The following CHRM5 variants were observed in gnomAD, a reference collection of about 807,000 sequenced individuals.
The protein encoded by CHRM5 is cholinergic receptor muscarinic 5.
CHRM5 carries 18 observed loss-of-function variants against 39.0 expected under a neutral mutation model. The observed-to-expected ratio is 0.46, with a 90% CI of 0.32 to 0.68. The LOEUF (loss-of-function observed/expected upper bound fraction) is 0.68, where lower values mean the gene tolerates loss of function less well. Among genes scored for constraint, CHRM5 ranks in the 30% least tolerant of loss-of-function variants. CHRM5 has a pLI of 0.04. For missense variants in CHRM5, 515 were observed against 651.1 expected, an observed-to-expected ratio of 0.79 and a Z score of 2.28; for synonymous variants, 241 against 246.3, an observed-to-expected ratio of 0.98 and a Z score of 0.20.
At chr15:34,036,360 A>C (rs910277549) in intron 1 of CHRM5, among the ~76,000 whole-genome samples, 5 of 152,150 alleles carry the variant, frequency 3.3e-5, no homozygotes, top group Non-Finnish European at 7.4e-5. Flanking sequence ...CCAAAATAGA[A>C]AGCAAAGGTG....
At position 34,063,869 on chromosome 15, in the gene CHRM5, G is replaced by A; in HGVS notation, c.1152G>A (p.Val384=). Reference sequence around the variant, plus strand: ...GTGTGGCCTATAAGTTCCGATTGGTGGTAAAAGCTGACGGGAACCAGGAGA... The same window carrying A: ...GTGTGGCCTATAAGTTCCGATTGGTAGTAAAAGCTGACGGGAACCAGGAGA... The part of the protein sequence containing the change: ...QKCVAYKFRL[V]VKADGNQETN... The change falls in exon 3 of 3, where the codon GTG becomes GTA. Residue 384 remains valine (V), a synonymous_variant. Transcript: ENST00000383263. The surrounding 1 kb of genome is among the most constrained non-coding windows in gnomAD (Gnocchi z 4.1). 2.5e-6 allele frequency: 4 copies of A among 1,614,162 alleles called. No homozygotes were observed. The highest frequency in any genetic ancestry group is 4.5e-5 in the East Asian group (2 of 44,884).
At chr15:33,980,500 G>A (rs555638641) in intron 1 of CHRM5, among the ~76,000 whole-genome samples, 1 of 152,288 alleles carries the variant, frequency 6.6e-6, no homozygotes, top group South Asian at 2.1e-4. Context: ...TGGGCTGATG[G>A]CCATATATGA....
At chr15:33,993,666 T>A (rs1302127759) in intron 1 of CHRM5, among the ~76,000 whole-genome samples, 1 of 152,108 alleles carries the variant, frequency 6.6e-6, no homozygotes. Context: ...CCAACATAAA[T>A]AACAATCATC....
intron 1 of CHRM5, chr15:34,039,156 T>G: frequency 1.1e-6 from 1 of 922,342 alleles, no homozygotes; most frequent in Non-Finnish European, 1.3e-6. Flanking sequence ...AGGCGCCCGG[T>G]AGCAGCGAGG....
intron 1 of CHRM5, among the ~76,000 whole-genome samples, chr15:34,026,816 T>C (rs1282270556): frequency 6.6e-6 from 1 of 152,160 alleles, no homozygotes; most frequent in African/African-American, 2.4e-5. Context: ...AAACTTCCCC[T>C]GCGGTCTTTT....
At chr15:34,034,208 T>C (rs970906973) in intron 1 of CHRM5, among the ~76,000 whole-genome samples, 8 of 152,168 alleles carry the variant, frequency 5.3e-5, no homozygotes, top group African/African-American at 1.7e-4. Context: ...TTTGGGTGGC[T>C]GAGGCGGGAG....
intron 1 of CHRM5, among the ~76,000 whole-genome samples, chr15:34,036,363 C>G (rs1481693640): frequency 6.6e-6 from 1 of 152,074 alleles, no homozygotes; most frequent in Admixed American, 6.6e-5. Flanking sequence ...AAATAGAAAG[C>G]AAAGGTGTAC....
At position 34,062,990 on chromosome 15, in the gene CHRM5, C is replaced by T; in HGVS notation, c.273C>T (p.Ile91=). Residue 91 remains isoleucine, a synonymous_variant, in exon 3 of 3, where the codon ATC becomes ATT. Transcript: ENST00000383263. ...CCATGAACCTCTACACCACCTACAT[C>T]CTCATGGGACGCTGGGCTCTCGGGA... ...IFSMNLYTTY[I]LMGRWALGSL... is the part of the protein sequence containing the mutation. 6.2e-7 allele frequency: 1 copy of T among 1,614,206 alleles called. No individual in the cohort carries two copies. The highest frequency in any genetic ancestry group is 1.1e-5 in the South Asian group (1 of 91,076).
At chr15:33,973,671 A>T (rs1325698532) in intron 1 of CHRM5, among the ~76,000 whole-genome samples, 3 of 152,204 alleles carry the variant, frequency 2.0e-5, no homozygotes, top group Non-Finnish European at 4.4e-5. Flanking sequence ...GCAAGACTCC[A>T]TCTCTATAAA....
At chr15:33,982,325 A>G (rs779695734) in intron 1 of CHRM5, among the ~76,000 whole-genome samples, 2 of 152,100 alleles carry the variant, frequency 1.3e-5, no homozygotes, top group South Asian at 2.1e-4. Flanking sequence ...TCAAATTCCT[A>G]TAAGATCACA....
chr15:33,989,154 AC>A (rs77207435), intron 1 of CHRM5, among the ~76,000 whole-genome samples: 33,387 of 148,250 alleles, frequency 0.23, 4,177 homozygotes, highest in Middle Eastern at 0.41. Flanking sequence ...ACAAACACAC[AC>A]AAAAAAGCTA....
At chr15:34,058,471 GGAGA>G (rs544211557) in intron 2 of CHRM5, among the ~76,000 whole-genome samples, 2 of 150,532 alleles carry the variant, frequency 1.3e-5, no homozygotes, top group African/African-American at 4.9e-5. Flanking sequence ...TGAGAAATCA[GGAGA>G]GAGAGAGAGC....
At chr15:33,979,971 G>GT (rs1367505490) in intron 1 of CHRM5, among the ~76,000 whole-genome samples, 1 of 152,112 alleles carries the variant, frequency 6.6e-6, no homozygotes, top group African/African-American at 2.4e-5. Context: ...TAAATCTCTG[G>GT]TTTCTGGGTT....
intron 1 of CHRM5, among the ~76,000 whole-genome samples, chr15:33,987,893 T>C (rs73385797): frequency 0.015 from 2,237 of 152,336 alleles, 70 homozygotes; most frequent in African/African-American, 0.052. Context: ...AACCAGGTCC[T>C]GCTGGGTCTG....
Position 34,029,311 on chromosome 15 carries a change from T to A in CHRM5, c.-407-17229T>A, listed in dbSNP as rs550237252. On this transcript the variant is annotated intron_variant, in intron 1 of 2. Transcript: ENST00000383263. ...TTCTTTCCAAGGTATGTAAAATACGTGCTCATAAAATAACACCTGGCCACA... is the reference window on the plus strand; with the variant it reads ...TTCTTTCCAAGGTATGTAAAATACGAGCTCATAAAATAACACCTGGCCACA... 6.6e-5 allele frequency among the ~76,000 whole-genome samples: 10 copies of A among 152,276 alleles called. No individual in the cohort carries two copies. The East Asian group carries it at 1.9e-3, about 29-fold the overall frequency.
intron 1 of CHRM5, among the ~76,000 whole-genome samples, chr15:34,002,026 T>C (rs1323957719): frequency 6.6e-6 from 1 of 152,188 alleles, no homozygotes. Context: ...CACACACAGT[T>C]ATAAAGAAAT....
chr15:34,038,737 C>A, intron 1 of CHRM5: 1 of 1,140,028 alleles, frequency 8.8e-7, no homozygotes, highest in Non-Finnish European at 1.1e-6. Flanking sequence ...CCCACTTGCC[C>A]CAGTTACACG....
chr15:34,023,311 A>G (rs1898293549), intron 1 of CHRM5, among the ~76,000 whole-genome samples: 1 of 152,182 alleles, frequency 6.6e-6, no homozygotes, highest in African/African-American at 2.4e-5. Context: ...TAATCTGCCC[A>G]CTGAGTTTGG....
intron 1 of CHRM5, among the ~76,000 whole-genome samples, chr15:34,015,268 G>A (rs1273481074): frequency 6.6e-6 from 1 of 152,144 alleles, no homozygotes; most frequent in Non-Finnish European, 1.5e-5. Flanking sequence ...CGGGTCACGA[G>A]GTCAGGAGAT....
Sources: gnomAD v4.1 joint callset for allele counts (sites outside exome capture counted in the v4.1 genomes callset) on GRCh38, gnomAD v4.1.1 for gene constraint, Gnocchi (gnomAD v3.1) non-coding constraint, MANE v1.5 for transcripts, NCBI Gene and HGNC (gene_info 2026-07-23, HGNC 2026-07-21) for gene names.